SLC36A1: variants seen among roughly 807,000 people sequenced by gnomAD.
SLC36A1 encodes proton-coupled amino acid transporter 1.
SLC36A1 carries 30 observed loss-of-function variants against 47.5 expected under a neutral mutation model. The observed-to-expected ratio is 0.63, with a 90% CI of 0.47 to 0.86. The LOEUF (loss-of-function observed/expected upper bound fraction) is 0.86. Ranked by LOEUF, SLC36A1 falls within the 40% of genes least tolerant of loss-of-function variation. SLC36A1 has a pLI of 0.00. For missense variants in SLC36A1, 517 were observed against 606.0 expected (o/e 0.85, Z 1.54); for synonymous variants, 255 against 249.7 (o/e 1.02, Z -0.20).
At position 151,462,794 on chromosome 5, in the gene SLC36A1, A is replaced by T. The variant is rs533820679; in HGVS notation, c.144-759A>T. On this transcript the variant is annotated intron_variant, in intron 2 of 10. Coordinates refer to ENST00000243389, the MANE Select transcript of SLC36A1 (RefSeq NM_078483.4). ...TGGGGCTTCTGTTATTATTATTATTATTTTTTAATTTCCTCTGTTCTCTTA... is the reference window on the plus strand; with the variant it reads ...TGGGGCTTCTGTTATTATTATTATTTTTTTTTAATTTCCTCTGTTCTCTTA... Among the ~76,000 whole-genome samples the T allele has an allele frequency of 1.1e-4, 17 of 148,882 alleles. 1 individual carries two copies. The highest frequency in any genetic ancestry group is 6.4e-4 in the South Asian group (3 of 4,696).
At chr5:151,380,375 C>T in the SLC36A1 span, 1 of 360,530 alleles carries the variant, frequency 2.8e-6, no homozygotes, top group South Asian at 2.4e-5. Context: ...GGGGCGAGGA[C>T]CAGAGTGAGC....
chr5:151,411,872 G>C, the SLC36A1 span, among the ~76,000 whole-genome samples: 2 of 144,492 alleles, frequency 1.4e-5, no homozygotes, highest in Non-Finnish European at 3.0e-5. Flanking sequence ...GATGATCTGG[G>C]CAAATCACTG....
At chr5:151,527,971 G>A in the SLC36A1 span, 4 of 1,612,336 alleles carry the variant, frequency 2.5e-6, no homozygotes, top group Non-Finnish European at 1.7e-6. Flanking sequence ...ATGAGCTCAG[G>A]GTGCGCCCCT....
the SLC36A1 span, among the ~76,000 whole-genome samples, chr5:151,395,069 T>G: frequency 6.6e-6 from 1 of 152,250 alleles, no homozygotes; most frequent in Admixed American, 6.5e-5. Flanking sequence ...TCAAGCTTCC[T>G]GGCCGCTTTG....
chr5:151,455,713 C>T (rs924962454), intron 1 of SLC36A1, among the ~76,000 whole-genome samples: 2 of 152,252 alleles, frequency 1.3e-5, no homozygotes, highest in African/African-American at 4.8e-5. Flanking sequence ...TTACTTGAAC[C>T]AAGTGAGGAC....
At chr5:151,345,021 C>T in the SLC36A1 span, among the ~76,000 whole-genome samples, 2 of 152,264 alleles carry the variant, frequency 1.3e-5, no homozygotes, top group South Asian at 2.1e-4. Context: ...ACCTCCCCTC[C>T]CCCAAACAAA....
At chr5:151,375,335 G>A in the SLC36A1 span, among the ~76,000 whole-genome samples, 1 of 152,078 alleles carries the variant, frequency 6.6e-6, no homozygotes, top group South Asian at 2.1e-4. Context: ...TCCAGTGTAT[G>A]TTTTTGTCAA....
chr5:151,349,525 T>G, the SLC36A1 span, among the ~76,000 whole-genome samples: 1 of 152,038 alleles, frequency 6.6e-6, no homozygotes, highest in Admixed American at 6.6e-5. Flanking sequence ...AACTCCAGTG[T>G]CCCCTTTGCA....
chr5:151,413,037 A>C, the SLC36A1 span, among the ~76,000 whole-genome samples: 13 of 142,392 alleles, frequency 9.1e-5, 2 homozygotes, highest in African/African-American at 3.3e-4. Flanking sequence ...ATTATTGCTA[A>C]ATGTTTATCT....
At chr5:151,505,078 C>G in the SLC36A1 span, 2 of 188,012 alleles carry the variant, frequency 1.1e-5, no homozygotes, top group Non-Finnish European at 2.1e-5. Context: ...CCTCTCAGCC[C>G]CTAGGAGGAT....
the SLC36A1 span, among the ~76,000 whole-genome samples, chr5:151,356,339 C>CAA: frequency 2.8e-3 from 142 of 51,060 alleles, 9 homozygotes; most frequent in East Asian, 5.2e-3. Flanking sequence ...CTCTGTCTCA[C>CAA]AAAAAAAAAA....
chr5:151,387,155 T>TC, the SLC36A1 span: 1 of 152,460 alleles, frequency 6.6e-6, no homozygotes, highest in South Asian at 2.1e-4. Context: ...CACAATGATC[T>TC]TGGCAGAGAC....
At chr5:151,510,207 A>G in the SLC36A1 span, 2 of 1,611,936 alleles carry the variant, frequency 1.2e-6, no homozygotes, top group African/African-American at 2.7e-5. Context: ...GAGAGACCGC[A>G]CTGGCCTAGC....
At chr5:151,509,646 G>T in the SLC36A1 span, 1 of 211,584 alleles carries the variant, frequency 4.7e-6, no homozygotes, top group Non-Finnish European at 9.5e-6. Flanking sequence ...ACCTCCAGAT[G>T]GGACTGTCTA....
At chr5:151,472,283 G>A (rs1757419155) in intron 7 of SLC36A1, among the ~76,000 whole-genome samples, 1 of 152,244 alleles carries the variant, frequency 6.6e-6, no homozygotes, top group Non-Finnish European at 1.5e-5. Flanking sequence ...AGCCTGGGAG[G>A]CTAAGCCAGT....
the SLC36A1 span, among the ~76,000 whole-genome samples, chr5:151,535,369 A>T: frequency 8.6e-5 from 13 of 151,604 alleles, 1 homozygote; most frequent in Admixed American, 7.9e-4. Flanking sequence ...GGGTTTTAAG[A>T]CCCTCCCCAG....
chr5:151,496,057 T>A (rs1204057907), downstream of SLC36A1, among the ~76,000 whole-genome samples: 1 of 152,238 alleles, frequency 6.6e-6, no homozygotes, highest in Non-Finnish European at 1.5e-5. Context: ...TGTATGGTGA[T>A]ATGGTTTGAC....
chr5:151,447,083 G>A (rs940386111), upstream of SLC36A1, among the ~76,000 whole-genome samples: 5 of 152,172 alleles, frequency 3.3e-5, no homozygotes, highest in African/African-American at 1.2e-4. Flanking sequence ...GGAAAAGTCT[G>A]TAACAAGGAG....
chr5:151,417,046 A>C, the SLC36A1 span, among the ~76,000 whole-genome samples: 1 of 152,142 alleles, frequency 6.6e-6, no homozygotes, highest in African/African-American at 2.4e-5. Flanking sequence ...GGCCTCCCCA[A>C]CCATGCTGAA....
Sources: allele counts gnomAD v4.1 joint callset (sites outside exome capture counted in the v4.1 genomes callset), GRCh38; gene constraint gnomAD v4.1.1; transcripts MANE v1.5; gene names NCBI Gene and HGNC (gene_info 2026-07-23, HGNC 2026-07-21).